AUNIP: variants seen among roughly 807,000 people sequenced by gnomAD.
AUNIP encodes the protein aurora kinase A and ninein interacting protein.
Under a neutral mutation model 12.2 loss-of-function variants are expected in AUNIP, and 16 were observed. That is an observed-to-expected ratio of 1.31 (90% CI 0.88 to 1.99). The LOEUF is 1.99. Among genes scored for constraint, AUNIP ranks in the 30% most tolerant of loss-of-function variants. The probability of loss-of-function intolerance (pLI) is 0.00; values close to 1 mark genes in which losing one functional copy is unlikely to be tolerated. For synonymous variants in AUNIP, 142 were observed against 154.8 expected (o/e 0.92, Z 0.61); for missense variants, 411 against 419.1 (o/e 0.98, Z 0.17).
At chr1:25,840,620 G>A (rs1283644674) in intron 1 of AUNIP, among the ~76,000 whole-genome samples, 3 of 152,150 alleles carry the variant, frequency 2.0e-5, no homozygotes, top group Non-Finnish European at 2.9e-5. Flanking sequence ...AACTTGGAAA[G>A]TACTTTATGA....
chr1:25,844,351 G>A (rs978543902), intron 1 of AUNIP, among the ~76,000 whole-genome samples: 6 of 151,950 alleles, frequency 3.9e-5, no homozygotes, highest in African/African-American at 7.3e-5. Flanking sequence ...CACCTGCCTC[G>A]GCCTCCCAAA....
In AUNIP at chr1:25,844,448, G is replaced by A. The variant is rs566089324; in HGVS notation, c.79-6894C>T. Among the ~76,000 whole-genome samples, 63 of 152,190 alleles carry A rather than the reference G, an allele frequency of 4.1e-4. 1 individual carries two copies. Among genetic ancestry groups the A allele is most frequent in the Admixed American group, 3.9e-3 (59 of 15,278 alleles). Reference sequence around the variant, plus strand: ...ACAAATCTATTATCAAAAAAGAGCTGGGATCATATACATAACTCCTCTCAC... The same window carrying A: ...ACAAATCTATTATCAAAAAAGAGCTAGGATCATATACATAACTCCTCTCAC... On this transcript the variant is annotated intron_variant, in intron 1 of 2. Coordinates refer to ENST00000374298, the MANE Select transcript of AUNIP (RefSeq NM_024037.3).
At chr1:25,832,154 T>C, downstream of AUNIP, 1 of 1,567,972 alleles carries the variant, frequency 6.4e-7, no homozygotes, top group South Asian at 1.1e-5. Flanking sequence ...AAGCTAGAGC[T>C]TGGACTGAAA....
chr1:25,840,856 T>C (rs1470294990), intron 1 of AUNIP, among the ~76,000 whole-genome samples: 2 of 152,142 alleles, frequency 1.3e-5, no homozygotes, highest in Non-Finnish European at 2.9e-5. Flanking sequence ...CAACAAATAT[T>C]TGAGTACCTA....
At position 25,835,418 on chromosome 1, in the gene AUNIP, G is replaced by A; in HGVS notation, c.649C>T (p.Leu217=). The part of the protein sequence containing the change: ...NYQSMEKHTK[L]PGDKCCQPLG... ...GGCTGACAGCATTTGTCCCCAGGTA[G>A]TTTGGTGTGTTTCTCCATACTCTGA... Residue 217 remains leucine, a synonymous_variant, in exon 3 of 3, where the codon CTA becomes TTA. Coordinates refer to ENST00000374298, the MANE Select transcript of AUNIP (RefSeq NM_024037.3). 1 of 1,614,252 alleles carries A rather than the reference G, an allele frequency of 6.2e-7. No homozygotes were observed. Among genetic ancestry groups the A allele is most frequent in the Non-Finnish European group, 8.5e-7 (1 of 1,180,054 alleles).
intron 1 of AUNIP, among the ~76,000 whole-genome samples, chr1:25,856,275 A>G (rs2048459344): frequency 6.6e-6 from 1 of 151,692 alleles, no homozygotes; most frequent in African/African-American, 2.4e-5. Flanking sequence ...TGAGGCAGAG[A>G]ATCGCTTGAA....
rs950210771 is a variant in AUNIP at position 25,859,432 on chromosome 1, C to G, written c.-75G>C. On this transcript the variant is annotated 5_prime_UTR_variant, in exon 1 of 3. Coordinates refer to ENST00000374298, the MANE Select transcript of AUNIP (RefSeq NM_024037.3). ...CCTCAGGGAACGCCAGAACCGCGGCCGCCGACGTTCGGATCTCGCGCCAAC... is the reference window on the plus strand; with the variant it reads ...CCTCAGGGAACGCCAGAACCGCGGCGGCCGACGTTCGGATCTCGCGCCAAC... 16 of 1,329,642 alleles carry G rather than the reference C, an allele frequency of 1.2e-5. No individual in the cohort carries two copies. The highest frequency in any genetic ancestry group is 1.5e-5 in the Non-Finnish European group (15 of 1,017,988). 82.4% of individuals were successfully genotyped at this position (1,329,642 alleles called of 1,614,324 possible).
intron 1 of AUNIP, among the ~76,000 whole-genome samples, chr1:25,841,857 T>C (rs113172162): frequency 1.4e-3 from 218 of 152,262 alleles, no homozygotes; most frequent in African/African-American, 5.0e-3. Context: ...ATTGTAATTG[T>C]TTTGGGGCAC....
chr1:25,833,606 T>A (rs1215555802), downstream of AUNIP, among the ~76,000 whole-genome samples: 1 of 151,950 alleles, frequency 6.6e-6, no homozygotes, highest in Non-Finnish European at 1.5e-5. Flanking sequence ...TTAAAAATAA[T>A]TAGCTGGGCA....
At chr1:25,854,529 A>G (rs188926119) in intron 1 of AUNIP, among the ~76,000 whole-genome samples, 2 of 152,346 alleles carry the variant, frequency 1.3e-5, no homozygotes, top group Admixed American at 1.3e-4. Context: ...AGGCCTGTGA[A>G]CTAAAGACAA....
rs2124492661 is a variant in AUNIP at position 25,834,629 on chromosome 1, A to C, written c.*364T>G. The stretch of plus-strand genomic sequence containing the variant: ...AGACTCCATCTCAAAAAAAAAAAAA[A>C]AAAAACACATCCATAAGCAAGGTCC... On this transcript the variant is annotated 3_prime_UTR_variant, in exon 3 of 3. Transcript: ENST00000374298. 2 of 1,016,120 alleles carry C rather than the reference A, an allele frequency of 2.0e-6. No individual in the cohort carries two copies. Among genetic ancestry groups the C allele is most frequent in the South Asian group, 4.2e-5 (1 of 23,554 alleles). The allele number at this position is 1,016,120 out of a possible 1,614,324, so 62.9% of individuals were successfully genotyped here.
intron 1 of AUNIP, among the ~76,000 whole-genome samples, chr1:25,846,851 C>G (rs1429906745): frequency 1.3e-5 from 2 of 152,234 alleles, no homozygotes; most frequent in African/African-American, 4.8e-5. Flanking sequence ...TTTAAATCTT[C>G]TCTTATTTTA....
intron 1 of AUNIP, among the ~76,000 whole-genome samples, chr1:25,850,160 G>C (rs1435723999): frequency 1.3e-5 from 2 of 152,030 alleles, no homozygotes; most frequent in Non-Finnish European, 1.5e-5. Context: ...AGCACTCTGG[G>C]TGTGATCATA....
Position 25,834,972 on chromosome 1 carries a change from T to C in AUNIP, c.*21A>G. ...CATCTCTATCATTTCAAGGTACTTTTAGAAACAAAGCTTCAAACATTTAGA... is the reference window on the plus strand; with the variant it reads ...CATCTCTATCATTTCAAGGTACTTTCAGAAACAAAGCTTCAAACATTTAGA... On this transcript the variant is annotated 3_prime_UTR_variant, in exon 3 of 3. Transcript: ENST00000374298. 1 of 1,588,724 alleles carries C rather than the reference T, an allele frequency of 6.3e-7. No homozygotes were observed. Among genetic ancestry groups the C allele is most frequent in the East Asian group, 2.2e-5 (1 of 44,616 alleles).
intron 1 of AUNIP, among the ~76,000 whole-genome samples, chr1:25,849,143 T>C (rs2048408019): frequency 1.3e-5 from 2 of 152,244 alleles, no homozygotes; most frequent in South Asian, 4.1e-4. Context: ...TTCCTGCTTC[T>C]GTGGCACTAT....
chr1:25,851,075 G>A (rs1048045943), intron 1 of AUNIP, among the ~76,000 whole-genome samples: 6 of 152,222 alleles, frequency 3.9e-5, no homozygotes, highest in African/African-American at 1.2e-4. Flanking sequence ...TCTGTTGAGT[G>A]TTTTAATCAC....
At chr1:25,853,511 C>T (rs978582179) in intron 1 of AUNIP, among the ~76,000 whole-genome samples, 1 of 152,032 alleles carries the variant, frequency 6.6e-6, no homozygotes, top group East Asian at 1.9e-4. Flanking sequence ...GCAGGAGAAT[C>T]GTCTGAACCC....
intron 2 of AUNIP, 65 bp from the exon 3 acceptor site, chr1:25,835,911 G>A (rs779765142): frequency 2.6e-6 from 4 of 1,564,168 alleles, no homozygotes; most frequent in Non-Finnish European, 3.5e-6. Flanking sequence ...GATTCAGTTG[G>A]CTTTTTCTGA....
chr1:25,856,997 T>A (rs1449685672), intron 1 of AUNIP, among the ~76,000 whole-genome samples: 1 of 151,136 alleles, frequency 6.6e-6, no homozygotes, highest in African/African-American at 2.4e-5. Context: ...ATGCCTGTAG[T>A]CCCAGCTACT....
Sources: gnomAD v4.1 joint callset for allele counts (sites outside exome capture counted in the v4.1 genomes callset) on GRCh38, gnomAD v4.1.1 for gene constraint, MANE v1.5 for transcripts, NCBI Gene and HGNC (gene_info 2026-07-23, HGNC 2026-07-21) for gene names.